Variants in ANXA13 observed in about 807,000 individuals in gnomAD.
ANXA13 encodes annexin XIII.
In ANXA13, 36 loss-of-function variants were observed where a neutral mutation model predicts 46.6. The observed-to-expected ratio is 0.77, with a 90% CI of 0.59 to 1.02. The LOEUF (loss-of-function observed/expected upper bound fraction) is 1.02, where lower values mean the gene tolerates loss of function less well. ANXA13 is among the 50% of genes least tolerant of loss of function. ANXA13 has a pLI of 0.00. For missense variants in ANXA13, 417 were observed against 396.5 expected (o/e 1.05, Z -0.44); for synonymous variants, 163 against 152.9 (o/e 1.07, Z -0.49).
At position 123,688,960 on chromosome 8, in the gene ANXA13, C is replaced by T; in HGVS notation, c.643-14G>A. 1 of 1,612,982 alleles carries T rather than the reference C, an allele frequency of 6.2e-7. No homozygotes were observed. The highest frequency in any genetic ancestry group is 8.5e-7 in the Non-Finnish European group (1 of 1,179,262). ...TTTGCCAATGAGCTGCAGCGAAAAC[C>T]AAAATCAACTGTTATTCCAGGTTTG... is the stretch of plus-strand genomic sequence containing the variant. On this transcript the variant is annotated splice_polypyrimidine_tract_variant and intron_variant, in intron 8 of 10. Transcript: ENST00000419625.
chr8:123,713,211 C>T (rs1476118672), intron 1 of ANXA13, among the ~76,000 whole-genome samples: 2 of 152,130 alleles, frequency 1.3e-5, no homozygotes, highest in East Asian at 1.9e-4. Flanking sequence ...TCTTTGCCAT[C>T]CATACAATGA....
intron 1 of ANXA13, among the ~76,000 whole-genome samples, chr8:123,726,748 G>A (rs995090667): frequency 2.6e-5 from 4 of 152,176 alleles, no homozygotes; most frequent in African/African-American, 4.8e-5. Flanking sequence ...AAAGATACTT[G>A]CACATGCATA....
intron 1 of ANXA13, among the ~76,000 whole-genome samples, chr8:123,733,803 C>T (rs530305059): frequency 6.6e-6 from 1 of 152,326 alleles, no homozygotes; most frequent in Non-Finnish European, 1.5e-5. Context: ...AGGACAACCA[C>T]CAGACCAATT....
chr8:123,701,340 CG>C (rs1813443683), intron 3 of ANXA13, among the ~76,000 whole-genome samples: 1 of 151,978 alleles, frequency 6.6e-6, no homozygotes, highest in African/African-American at 2.4e-5. Context: ...CATGGTGGCG[CG>C]TGCCTGTAAT....
chr8:123,710,818 T>C (rs1813644818), intron 2 of ANXA13, among the ~76,000 whole-genome samples: 1 of 152,238 alleles, frequency 6.6e-6, no homozygotes, highest in Non-Finnish European at 1.5e-5. Context: ...AGATTTTGTA[T>C]ATAAAGTGCT....
intron 1 of ANXA13, among the ~76,000 whole-genome samples, chr8:123,714,488 T>C (rs565047821): frequency 6.6e-6 from 1 of 152,286 alleles, no homozygotes; most frequent in South Asian, 2.1e-4. Context: ...ATTGTACAAA[T>C]CCTCAGACAC....
Position 123,684,840 on chromosome 8 carries a change from G to A in ANXA13, c.719-118C>T. 5 of 711,216 alleles carry A rather than the reference G, an allele frequency of 7.0e-6. No homozygotes were observed. The South Asian group carries it at 8.5e-5, about 12-fold the overall frequency. The allele number at this position is 711,216 out of a possible 1,614,324, so 44.1% of individuals were successfully genotyped here. ...GCTGACTGGATGGTGAGACAGAGGT[G>A]TGAAAAGAGCTGACTTGACACCGTT... On this transcript the variant is annotated intron_variant, in intron 9 of 10. Coordinates refer to ENST00000419625, the MANE Select transcript of ANXA13 (RefSeq NM_004306.4).
At chr8:123,713,317 T>C (rs1813697063) in intron 1 of ANXA13, among the ~76,000 whole-genome samples, 1 of 152,228 alleles carries the variant, frequency 6.6e-6, no homozygotes, top group Admixed American at 6.5e-5. Flanking sequence ...CCTGTTTATA[T>C]AGTGTATTGA....
intron 2 of ANXA13, among the ~76,000 whole-genome samples, chr8:123,707,613 C>G (rs546748606): frequency 2.0e-5 from 3 of 152,050 alleles, no homozygotes; most frequent in Non-Finnish European, 4.4e-5. Context: ...GCAAACACTG[C>G]ATGTTCTCAC....
rs766241680 is a variant in ANXA13 at position 123,684,671 on chromosome 8, G to A, written c.770C>T (p.Ser257Leu). Residue 257 changes from serine to leucine, a missense_variant, in exon 10 of 11, where the codon TCG (serine) becomes TTG (leucine). Transcript: ENST00000419625. ...EDYFAERLYK[S>L]MKGAGTDEET... ...CTCATCGGTCCCCGCACCCTTCATC[G>A]ACTTGTACAGACGTTCAGCAAAATA... 8 of 1,614,126 alleles carry A rather than the reference G, an allele frequency of 5.0e-6. No homozygotes were observed. The highest frequency in any genetic ancestry group is 2.2e-5 in the East Asian group (1 of 44,886).
At chr8:123,694,813 G>A (rs535646718) in intron 6 of ANXA13, among the ~76,000 whole-genome samples, 69 of 152,304 alleles carry the variant, frequency 4.5e-4, no homozygotes, top group Non-Finnish European at 7.6e-4. Flanking sequence ...TAAGTTTGTG[G>A]CGATTTGTTA....
At chr8:123,689,035 G>A (rs1384983628) in intron 8 of ANXA13, 89 bp from the exon 9 acceptor site, 22 of 1,284,150 alleles carry the variant, frequency 1.7e-5, no homozygotes, top group Non-Finnish European at 2.4e-5. Context: ...AAGCACTCAA[G>A]TTTTCCAGAT....
intron 1 of ANXA13, among the ~76,000 whole-genome samples, chr8:123,727,482 A>C (rs1814023671): frequency 6.6e-6 from 1 of 152,122 alleles, no homozygotes; most frequent in Non-Finnish European, 1.5e-5. Flanking sequence ...GGTTCTCAAT[A>C]AACCAGGAGC....
At chr8:123,706,808 C>T (rs1227470615) in intron 2 of ANXA13, among the ~76,000 whole-genome samples, 1 of 152,218 alleles carries the variant, frequency 6.6e-6, no homozygotes, top group African/African-American at 2.4e-5. Flanking sequence ...AAGTCTCATC[C>T]TCCTACCTGT....
chr8:123,735,615 T>G (rs1814243247), intron 1 of ANXA13: 1 of 1,126,556 alleles, frequency 8.9e-7, no homozygotes, highest in South Asian at 2.4e-5. Flanking sequence ...CAGGGAAAGA[T>G]TTCCCTGCTT....
chr8:123,687,840 C>A (rs1813168256), intron 9 of ANXA13, among the ~76,000 whole-genome samples: 1 of 152,178 alleles, frequency 6.6e-6, no homozygotes, highest in Non-Finnish European at 1.5e-5. Context: ...AAAGAAGGAG[C>A]CTGTCAGACA....
intron 6 of ANXA13, 31 bp downstream of exon 6, chr8:123,695,471 G>C (rs1450125283): frequency 1.3e-6 from 2 of 1,559,682 alleles, no homozygotes; most frequent in South Asian, 2.3e-5. Context: ...TTCCTAAGAT[G>C]ATAAAACAGG....
In ANXA13 at chr8:123,684,778, T is replaced by C. The variant is rs2129818096; in HGVS notation, c.719-56A>G. 4 of 1,350,644 alleles carry C rather than the reference T, an allele frequency of 3.0e-6. No individual in the cohort carries two copies. The South Asian group carries it at 4.7e-5, about 16-fold the overall frequency. 83.7% of individuals were successfully genotyped at this position (1,350,644 alleles called of 1,614,324 possible). On this transcript the variant is annotated intron_variant, in intron 9 of 10. Transcript: ENST00000419625. The stretch of plus-strand genomic sequence containing the variant: ...GGCTTTCACGTTTTGTGGAATGACC[T>C]TGGGACCCCCCTAAATGTCACCTGG...
At chr8:123,728,334 G>A (rs1814042796) in intron 1 of ANXA13, 1 of 152,204 alleles carries the variant, frequency 6.6e-6, no homozygotes, top group South Asian at 2.1e-4. Flanking sequence ...AGAGAACTTG[G>A]AGGATAAAGT....
Sources: gnomAD v4.1 joint callset for allele counts (sites outside exome capture counted in the v4.1 genomes callset) on GRCh38, gnomAD v4.1.1 for gene constraint, MANE v1.5 for transcripts, NCBI Gene and HGNC (gene_info 2026-07-23, HGNC 2026-07-21) for gene names.